MIA3: variants seen among roughly 807,000 people sequenced by gnomAD.
MIA3 encodes MIA SH3 domain ER export factor 3, also known as transport and Golgi organization protein 1 homolog.
A neutral mutation model predicts 192.4 loss-of-function variants in MIA3; 90 were observed. That is an observed-to-expected ratio of 0.47 (90% CI 0.39 to 0.56). The LOEUF (loss-of-function observed/expected upper bound fraction) is 0.56, where lower values mean the gene tolerates loss of function less well. MIA3 is among the 20% of genes least tolerant of loss of function. MIA3 has a pLI of 0.00. For synonymous variants in MIA3, 740 were observed against 792.8 expected (o/e 0.93, Z 1.12); for missense variants, 2,123 against 2,269.4 (o/e 0.94, Z 1.31).
chr1:222,623,986 G>A (rs1571859964), intron 2 of MIA3, among the ~76,000 whole-genome samples: 1 of 152,306 alleles, frequency 6.6e-6, no homozygotes, highest in South Asian at 2.1e-4. Flanking sequence ...CATCATATGT[G>A]CAAATACAGT....
intron 15 of MIA3, among the ~76,000 whole-genome samples, 179 bp from the exon 16 acceptor site, chr1:222,654,064 T>C (rs1293968452): frequency 6.6e-6 from 1 of 152,220 alleles, no homozygotes; most frequent in Non-Finnish European, 1.5e-5. Flanking sequence ...CAAATGGGAA[T>C]TCACTTTTTC....
intron 22 of MIA3, 36 bp downstream of exon 22, chr1:222,659,837 G>A (rs1254578473): frequency 8.7e-6 from 14 of 1,609,684 alleles, no homozygotes; most frequent in Non-Finnish European, 1.1e-5. Context: ...TTCAGCGCGT[G>A]TTCTCTTAAG....
chr1:222,641,549 T>C (rs1662852633), intron 6 of MIA3: 3 of 505,856 alleles, frequency 5.9e-6, no homozygotes, highest in South Asian at 4.4e-5. Context: ...AGGAAGTCTG[T>C]CTTCCTCTTC....
At chr1:222,620,295 G>T (rs971469247) in intron 1 of MIA3, among the ~76,000 whole-genome samples, 88 of 152,246 alleles carry the variant, frequency 5.8e-4, no homozygotes, top group African/African-American at 2.0e-3. Flanking sequence ...TGTGTATGTG[G>T]TCAACAAAAA....
At chr1:222,644,061 C>T (rs890403949) in intron 6 of MIA3, among the ~76,000 whole-genome samples, 7 of 152,352 alleles carry the variant, frequency 4.6e-5, no homozygotes, top group South Asian at 2.1e-4. Flanking sequence ...TCCTTTTCCC[C>T]AGCTGCCGCC....
chr1:222,644,560 G>C, intron 6 of MIA3: 1 of 1,550,594 alleles, frequency 6.4e-7, no homozygotes, highest in African/African-American at 1.4e-5. Flanking sequence ...TGTGCTCTAC[G>C]CAGCCTTCAT....
chr1:222,624,053 T>G (rs1440756708), intron 2 of MIA3, among the ~76,000 whole-genome samples: 1 of 152,260 alleles, frequency 6.6e-6, no homozygotes, highest in East Asian at 1.9e-4. Context: ...TGCAGATTTC[T>G]TTCAATAAAT....
Position 222,618,284 on chromosome 1 carries a change from C to A in MIA3, c.133+41C>A, listed in dbSNP as rs1312415364. 2.2e-6 allele frequency: 3 copies of A among 1,349,722 alleles called. No homozygotes were observed. The South Asian group carries it at 5.1e-5, about 23-fold the overall frequency. The allele number at this position is 1,349,722 out of a possible 1,614,324, so 83.6% of individuals were successfully genotyped here. ...GGGCGGCTGGCCTCGGGGCGGCTGG[C>A]CTTGGGGTCTCCGCCGGCCCCGGGG... On this transcript the variant is annotated intron_variant, in intron 1 of 27. Coordinates refer to ENST00000344922, the MANE Select transcript of MIA3 (RefSeq NM_198551.4).
chr1:222,627,859 A>G lies in MIA3; in HGVS notation c.639A>G (p.Ala213=). The part of the protein sequence containing the change: ...QFTTQKHHSH[A]NSQANHAQGE... The stretch of plus-strand genomic sequence containing the variant: ...CAACTCAGAAGCACCACTCCCATGC[A>G]AACAGCCAAGCAAATCATGCTCAGG... The change falls in exon 4 of 28, where the codon GCA becomes GCG. Residue 213 remains alanine, a synonymous_variant. Coordinates refer to ENST00000344922, the MANE Select transcript of MIA3 (RefSeq NM_198551.4). 2 of 1,614,094 alleles carry G rather than the reference A, an allele frequency of 1.2e-6. No homozygotes were observed. Among genetic ancestry groups the G allele is most frequent in the Non-Finnish European group, 1.7e-6 (2 of 1,180,024 alleles).
chr1:222,639,695 A>G (rs1662771452), intron 6 of MIA3, among the ~76,000 whole-genome samples: 2 of 152,164 alleles, frequency 1.3e-5, no homozygotes, highest in East Asian at 1.9e-4. Context: ...ATTGATTACT[A>G]TGTAATTTAA....
Position 222,665,351 on chromosome 1 carries a change from C to T in MIA3, c.5456C>T (p.Pro1819Leu). 1.2e-6 allele frequency: 2 copies of T among 1,613,696 alleles called. No homozygotes were observed. The highest frequency in any genetic ancestry group is 1.7e-6 in the Non-Finnish European group (2 of 1,179,840). ...CCACTAGGCTTAAGAGAATTTGCAC[C>T]AGGCGTTCCACCAGGAAGACGGGAC... ...RPPLGLREFA[P>L]GVPPGRRDLP... Residue 1819 changes from proline to leucine, a missense_variant, in exon 28 of 28, where the codon CCA becomes CTA. Pro to Leu is a moderately conservative substitution (Grantham distance 98). Coordinates refer to ENST00000344922, the MANE Select transcript of MIA3 (RefSeq NM_198551.4).
chr1:222,665,622 CTA>C lies in MIA3; in HGVS notation c.*5_*6del, dbSNP rs1558201846. 1.9e-6 allele frequency: 3 copies of C among 1,570,148 alleles called. No homozygotes were observed. Among genetic ancestry groups the C allele is most frequent in the Non-Finnish European group, 2.6e-6 (3 of 1,160,642 alleles). Reference sequence around the variant, plus strand: ...AGGCTTTAAAACAGAGCCCATAAAACTATGACCTCTGAGGTTTCATTGGAAAG... The same window carrying C: ...AGGCTTTAAAACAGAGCCCATAAAACTGACCTCTGAGGTTTCATTGGAAAG... On this transcript the variant is annotated 3_prime_UTR_variant, in exon 28 of 28. Transcript: ENST00000344922.
At chr1:222,641,696 C>A in intron 6 of MIA3, 2 of 550,992 alleles carry the variant, frequency 3.6e-6, no homozygotes, top group South Asian at 1.4e-5. Flanking sequence ...TCTCTTCCCT[C>A]ATTGTTCTCG....
chr1:222,652,413 T>C, intron 13 of MIA3, 81 bp downstream of exon 13: 1 of 931,262 alleles, frequency 1.1e-6, no homozygotes, highest in Non-Finnish European at 1.7e-6. Flanking sequence ...CTCAGATCTA[T>C]TTTTAGGGTA....
Position 222,662,046 on chromosome 1 carries a change from CT to C in MIA3, c.5114-7del, listed in dbSNP as rs761726429. On this transcript the variant is annotated splice_polypyrimidine_tract_variant and intron_variant, in intron 24 of 27. Coordinates refer to ENST00000344922, the MANE Select transcript of MIA3 (RefSeq NM_198551.4). ...AATACATATAAGGACTCTGTTATTTCTTTCTCAAGGATCAGTGGACGGGCCT... is the reference window on the plus strand; with the variant it reads ...AATACATATAAGGACTCTGTTATTTCTTCTCAAGGATCAGTGGACGGGCCT... 1.3e-5 allele frequency: 21 copies of C among 1,610,966 alleles called. No individual in the cohort carries two copies. Among genetic ancestry groups the C allele is most frequent in the Non-Finnish European group, 1.8e-5 (21 of 1,177,790 alleles).
intron 24 of MIA3, 75 bp from the exon 25 acceptor site, chr1:222,661,981 T>C: frequency 8.3e-7 from 1 of 1,211,350 alleles, no homozygotes; most frequent in South Asian, 1.3e-5. Context: ...AGATAAGACT[T>C]GAACCCTGAT....
At chr1:222,658,458 C>T (rs1177024829) in intron 18 of MIA3, among the ~76,000 whole-genome samples, 2 of 152,224 alleles carry the variant, frequency 1.3e-5, no homozygotes, top group African/African-American at 2.4e-5. Flanking sequence ...TTCAACCCAA[C>T]AGTCTTTGAC....
At chr1:222,642,423 T>A (rs1226920434) in intron 6 of MIA3, among the ~76,000 whole-genome samples, 3 of 152,228 alleles carry the variant, frequency 2.0e-5, no homozygotes, top group Non-Finnish European at 2.9e-5. Flanking sequence ...AGCTTCACAG[T>A]ATACTTTGTT....
chr1:222,654,430 T>C lies in MIA3; in HGVS notation c.4419T>C (p.Leu1473=), dbSNP rs772257574. The C allele has an allele frequency of 2.4e-5, 38 of 1,613,844 alleles. No homozygotes were observed. The East Asian group carries it at 7.8e-4, about 33-fold the overall frequency. The change falls in exon 17 of 28, where the codon CTT becomes CTC. Residue 1473 remains leucine (L), a synonymous_variant. Transcript: ENST00000344922. ...AISVVEEDLK[L]LQLKLRASVS... ...CGGTAGTTGAAGAGGATCTAAAGCT[T>C]TTACAGCTTAAGCTAAGAGCCTCCG...
Sources: gnomAD v4.1 joint callset for allele counts (sites outside exome capture counted in the v4.1 genomes callset) on GRCh38, gnomAD v4.1.1 for gene constraint, MANE v1.5 for transcripts, NCBI Gene and HGNC (gene_info 2026-07-23, HGNC 2026-07-21) for gene names.